Variants in TRIM51 observed in about 807,000 individuals in gnomAD.
TRIM51 encodes tripartite motif-containing protein 51.
Under a neutral mutation model 32.7 loss-of-function variants are expected in TRIM51, and 23 were observed. That is an observed-to-expected ratio of 0.70 (90% CI 0.51 to 1.00). The LOEUF (loss-of-function observed/expected upper bound fraction) is 1.00. TRIM51 is among the 50% of genes least tolerant of loss of function. The pLI is 0.00. For synonymous variants in TRIM51, 177 were observed against 181.9 expected, an observed-to-expected ratio of 0.97 and a Z score of 0.22; for missense variants, 592 against 539.2, an observed-to-expected ratio of 1.10 and a Z score of -0.97.
chr11:55,887,113 T>A (rs2134536689), intron 3 of TRIM51, among the ~76,000 whole-genome samples: 1 of 151,854 alleles, frequency 6.6e-6, no homozygotes, highest in African/African-American at 2.4e-5. Flanking sequence ...AGCAGGAAAG[T>A]AGAAAAGGAG....
chr11:55,888,210 T>G lies in TRIM51; in HGVS notation c.686T>G (p.Met229Arg), dbSNP rs1174854171. The change falls in exon 4 of 7, where the codon ATG becomes AGG. Residue 229 changes from methionine to arginine, a missense_variant. Transcript: ENST00000449290. The part of the protein sequence containing the change: ...MEHSRELLRG[M>R]YEDLKQMCHK... ...CATTCCAGGGAGCTTTTAAGAGGAA[T>G]GTATGAGGATCTGAAGCAAATGTGC... 6 of 1,613,476 alleles carry G rather than the reference T, an allele frequency of 3.7e-6. No homozygotes were observed. Among genetic ancestry groups the G allele is most frequent in the Non-Finnish European group, 5.1e-6 (6 of 1,179,638 alleles).
chr11:55,883,807 T>C (rs547685071), intron 1 of TRIM51, among the ~76,000 whole-genome samples: 1 of 152,066 alleles, frequency 6.6e-6, no homozygotes, highest in Non-Finnish European at 1.5e-5. Flanking sequence ...GAGTTAAAAA[T>C]GGTGATACTA....
At chr11:55,884,226 G>A (rs1262617214) in intron 1 of TRIM51, among the ~76,000 whole-genome samples, 7 of 132,536 alleles carry the variant, frequency 5.3e-5, no homozygotes, top group African/African-American at 1.4e-4. Context: ...ATTGCCTATC[G>A]TATACCATAC....
intron 6 of TRIM51, among the ~76,000 whole-genome samples, chr11:55,890,294 G>A (rs1483566335): frequency 2.6e-5 from 4 of 152,016 alleles, no homozygotes; most frequent in African/African-American, 4.8e-5. Flanking sequence ...AATGACATAA[G>A]AAATAAAAAA....
At chr11:55,890,265 TTA>T (rs1224812412) in intron 6 of TRIM51, among the ~76,000 whole-genome samples, 1 of 151,934 alleles carries the variant, frequency 6.6e-6, no homozygotes, top group East Asian at 1.9e-4. Context: ...ATGGATAGAG[TTA>T]TATATTGGGT....
At chr11:55,884,342 C>A (rs1373218831) in intron 1 of TRIM51, among the ~76,000 whole-genome samples, 2 of 149,600 alleles carry the variant, frequency 1.3e-5, no homozygotes, top group African/African-American at 4.9e-5. Flanking sequence ...TAACGCGTCC[C>A]TCAGATCATA....
In TRIM51 at chr11:55,886,225, A is replaced by C; in HGVS notation, c.507+7A>C. 2.5e-6 allele frequency: 4 copies of C among 1,607,266 alleles called. No homozygotes were observed. The highest frequency in any genetic ancestry group is 3.4e-6 in the Non-Finnish European group (4 of 1,174,020). ...AAGAACCAGATGCTGGAAGGTTAGT[A>C]CCGTATGACTCTACCTTCTCCGGGA... On this transcript the variant is annotated splice_region_variant and intron_variant, in intron 3 of 6. Coordinates refer to ENST00000449290, the MANE Select transcript of TRIM51 (RefSeq NM_032681.4).
intron 6 of TRIM51, among the ~76,000 whole-genome samples, chr11:55,890,494 G>T (rs1406251079): frequency 6.6e-6 from 1 of 151,998 alleles, no homozygotes; most frequent in African/African-American, 2.4e-5. Context: ...TGTAAAATTT[G>T]ACTTAACATG....
intron 1 of TRIM51, among the ~76,000 whole-genome samples, chr11:55,883,814 A>G (rs1160858724): frequency 6.6e-6 from 1 of 152,138 alleles, no homozygotes; most frequent in Non-Finnish European, 1.5e-5. Flanking sequence ...AAATGGTGAT[A>G]CTAAAGGAAA....
Position 55,888,852 on chromosome 11 carries a change from G to A in TRIM51, c.739-127G>A, listed in dbSNP as rs1350907366. 7.2e-6 allele frequency: 6 copies of A among 829,094 alleles called. No individual in the cohort carries two copies. In the East Asian group the frequency reaches 1.5e-4, roughly 20 times the overall value. 51.4% of individuals were successfully genotyped at this position (829,094 alleles called of 1,614,324 possible). On this transcript the variant is annotated intron_variant, in intron 4 of 6. Coordinates refer to ENST00000449290, the MANE Select transcript of TRIM51 (RefSeq NM_032681.4). ...TGTCATGAGAAAAGAAACAGAAAAT[G>A]CTTTCCAGGAGGGAACATTGTAGGA...
rs746406703 is a variant in TRIM51 at position 55,885,434 on chromosome 11, T to C, written c.6T>C (p.Asn2=). The C allele has an allele frequency of 3.7e-6, 6 of 1,611,792 alleles. No homozygotes were observed. The highest frequency in any genetic ancestry group is 5.1e-6 in the Non-Finnish European group (6 of 1,179,676). Residue 2 remains asparagine (N), a synonymous_variant, in exon 2 of 7, where the codon AAT becomes AAC. Transcript: ENST00000449290. The part of the protein sequence containing the change: M[N]SGILQVFQRA... ...GCTCTTTCTTCTTCAGAAACATGAATTCTGGAATCTTGCAAGTCTTCCAGA... is the reference window on the plus strand; with the variant it reads ...GCTCTTTCTTCTTCAGAAACATGAACTCTGGAATCTTGCAAGTCTTCCAGA...
At chr11:55,885,162 T>C (rs1854559241) in intron 1 of TRIM51, among the ~76,000 whole-genome samples, 1 of 151,938 alleles carries the variant, frequency 6.6e-6, no homozygotes, top group Non-Finnish European at 1.5e-5. Flanking sequence ...ATCCAGGGAG[T>C]AGGTTTTTGA....
chr11:55,883,476 G>A (rs564011171), intron 1 of TRIM51, 92 bp downstream of exon 1: 14 of 152,182 alleles, frequency 9.2e-5, no homozygotes, highest in East Asian at 3.9e-4. Flanking sequence ...TAAACTTACC[G>A]AATGATCTTA....
rs1196641324 is a variant in TRIM51 at position 55,891,595 on chromosome 11, C to A, written c.1322C>A (p.Pro441His). 6.2e-7 allele frequency: 1 copy of A among 1,613,328 alleles called. No individual in the cohort carries two copies. Among genetic ancestry groups the A allele is most frequent in the Non-Finnish European group, 8.5e-7 (1 of 1,179,626 alleles). The change falls in exon 7 of 7, where the codon CCT becomes CAT. Residue 441 changes from proline to histidine, a missense_variant. Physicochemically the swap from Pro to His is moderately conservative, Grantham distance 77. Transcript: ENST00000449290. ...IYTIPNCSFS[P>H]PLRPIFCCSH... ...ACCATCCCCAATTGCTCCTTCTCACCTCCTCTCAGGCCTATCTTTTGCTGT... is the reference window on the plus strand; with the variant it reads ...ACCATCCCCAATTGCTCCTTCTCACATCCTCTCAGGCCTATCTTTTGCTGT...
Position 55,891,495 on chromosome 11 carries a change from A to T in TRIM51, c.1222A>T (p.Thr408Ser). 6.2e-7 allele frequency: 1 copy of T among 1,613,548 alleles called. No homozygotes were observed. Among genetic ancestry groups the T allele is most frequent in the African/African-American group, 1.3e-5 (1 of 75,030 alleles). ...GCAATATGTTCCAAGACCTACCAGC[A>T]CAGTAGGATTATTCCTGGATTGTGA... ...VVQYVPRPTS[T>S]VGLFLDCEGR... Residue 408 changes from threonine to serine, a missense_variant, in exon 7 of 7, where the codon ACA (threonine) becomes TCA (serine). Thr to Ser is a moderately conservative substitution (Grantham distance 58). Coordinates refer to ENST00000449290, the MANE Select transcript of TRIM51 (RefSeq NM_032681.4).
At chr11:55,889,280 G>A (rs1295868549) in intron 5 of TRIM51, among the ~76,000 whole-genome samples, 1 of 152,020 alleles carries the variant, frequency 6.6e-6, no homozygotes. Context: ...GTGAGCATCT[G>A]TATTCCTAAT....
Position 55,886,184 on chromosome 11 carries a change from T to A in TRIM51, c.473T>A (p.Leu158Gln), listed in dbSNP as rs201552135. 887 of 1,613,462 alleles carry A rather than the reference T, an allele frequency of 5.5e-4. No homozygotes were observed. The highest frequency in any genetic ancestry group is 6.3e-4 in the Non-Finnish European group (748 of 1,179,630). ...WEKACENLRN[L>Q]NMETTRTRCW... is the part of the protein sequence containing the mutation. ...AAAGCTTGTGAAAATCTCAGAAATC[T>A]GAACATGGAAACCACAAGAACCAGA... The change falls in exon 3 of 7, where the codon CTG becomes CAG. Residue 158 changes from leucine to glutamine, a missense_variant. Transcript: ENST00000449290.
chr11:55,885,234 C>A (rs761250917), intron 1 of TRIM51, among the ~76,000 whole-genome samples, 191 bp from the exon 2 acceptor site: 11 of 152,270 alleles, frequency 7.2e-5, no homozygotes, highest in Middle Eastern at 3.4e-3. Flanking sequence ...GTCATCTAGT[C>A]AGCAGTGTCT....
intron 5 of TRIM51, among the ~76,000 whole-genome samples, chr11:55,889,636 T>G (rs2134540697): frequency 6.6e-6 from 1 of 152,252 alleles, no homozygotes; most frequent in East Asian, 1.9e-4. Flanking sequence ...CAGGAATTTC[T>G]GGTGAGGTCT....
Sources: gnomAD v4.1 joint callset for allele counts (sites outside exome capture counted in the v4.1 genomes callset) on GRCh38, gnomAD v4.1.1 for gene constraint, MANE v1.5 for transcripts, NCBI Gene and HGNC (gene_info 2026-07-23, HGNC 2026-07-21) for gene names.